PRDM10: variants seen among roughly 807,000 people sequenced by gnomAD.
The protein encoded by PRDM10 is PR domain zinc finger protein 10.
PRDM10 carries 65 observed loss-of-function variants against 133.1 expected under a neutral mutation model. The ratio of observed to expected loss-of-function variants is 0.49; its 90% CI spans 0.40 to 0.60. PRDM10 has a LOEUF of 0.60. Ranked by LOEUF, PRDM10 falls within the 20% of genes least tolerant of loss-of-function variation. PRDM10 has a pLI of 0.00. For synonymous variants in PRDM10, 582 were observed against 580.4 expected (o/e 1.00, Z -0.04); for missense variants, 1,137 against 1,507.1 (o/e 0.75, Z 4.07).
intron 5 of PRDM10, among the ~76,000 whole-genome samples, chr11:129,946,083 A>C (rs527330549): frequency 8.2e-4 from 100 of 122,654 alleles, no homozygotes; most frequent in African/African-American, 3.4e-3. Context: ...CTAAAAATAC[A>C]AAAAAAAAAA....
chr11:129,953,012 C>T (rs191261528), intron 4 of PRDM10, among the ~76,000 whole-genome samples: 2 of 151,566 alleles, frequency 1.3e-5, no homozygotes, highest in African/African-American at 2.4e-5. Flanking sequence ...TCACTCTTAT[C>T]GCCCAAGCTG....
At chr11:129,963,382 G>GAGAAGAGAAGAGAAGAGA (rs775553291) in intron 1 of PRDM10, among the ~76,000 whole-genome samples, 3 of 74,586 alleles carry the variant, frequency 4.0e-5, no homozygotes, top group African/African-American at 1.2e-4. Flanking sequence ...AAAGAAAAAA[G>GAGAAGAGAAGAGAAGAGA]AGAGAAGAGA....
At chr11:129,910,895 G>A (rs999795689) in intron 18 of PRDM10, among the ~76,000 whole-genome samples, 2 of 152,088 alleles carry the variant, frequency 1.3e-5, no homozygotes, top group Admixed American at 6.5e-5. Flanking sequence ...TCCTGCCTCA[G>A]CCTCGCGAGT....
intron 8 of PRDM10, among the ~76,000 whole-genome samples, chr11:129,935,469 TCACAGTCCTCAAAACA>T (rs1360535087): frequency 1.3e-5 from 2 of 152,150 alleles, no homozygotes; most frequent in Non-Finnish European, 2.9e-5. Context: ...CATCACCCTC[TCACAGTCCTCAAAACA>T]CACACACAAC....
chr11:129,905,490 A>T (rs1949986297), intron 20 of PRDM10, 148 bp downstream of exon 20: 1 of 673,206 alleles, frequency 1.5e-6, no homozygotes, highest in African/African-American at 1.8e-5. Flanking sequence ...GGATAAAGTG[A>T]TAATGCCCAA....
rs1951359985 is a variant in PRDM10, at chr11:129,945,002, C to T, written c.531G>A (p.Glu177=). Residue 177 remains glutamate, a synonymous_variant, in exon 6 of 21, where the codon GAG becomes GAA. Coordinates refer to ENST00000360871, the MANE Select transcript of PRDM10 (RefSeq NM_199437.2). The surrounding 1 kb of genome is among the most constrained non-coding windows in gnomAD (Gnocchi z 4.2). ...PFDPHDLWCE[E]CNNAHASVCP... is the part of the protein sequence containing the mutation. ...ACACTGAAGCATGCGCGTTATTGCA[C>T]TCCTCACACCCTGCAAAAGAGAGAC... is the stretch of plus-strand genomic sequence containing the variant. 5 of 1,611,644 alleles carry T rather than the reference C, an allele frequency of 3.1e-6. No homozygotes were observed. The East Asian group carries it at 8.9e-5, about 29-fold the overall frequency.
At chr11:129,991,749 G>A (rs1222669728) in intron 1 of PRDM10, among the ~76,000 whole-genome samples, 4 of 151,640 alleles carry the variant, frequency 2.6e-5, no homozygotes, top group African/African-American at 9.7e-5. Flanking sequence ...AACCTGGGAG[G>A]AGGAGGTTGC....
At chr11:129,962,104 G>A (rs1951808570) in intron 1 of PRDM10, among the ~76,000 whole-genome samples, 1 of 152,214 alleles carries the variant, frequency 6.6e-6, no homozygotes, top group Admixed American at 6.5e-5. Flanking sequence ...CACATGGTCA[G>A]TGTTGGAGTG....
At chr11:129,983,110 G>A (rs951088328) in intron 1 of PRDM10, among the ~76,000 whole-genome samples, 2 of 151,716 alleles carry the variant, frequency 1.3e-5, no homozygotes, top group Non-Finnish European at 1.5e-5. Flanking sequence ...CCGAATAGCT[G>A]GGATTACAGG....
intron 1 of PRDM10, among the ~76,000 whole-genome samples, chr11:129,984,527 C>A (rs1278105032): frequency 6.6e-6 from 1 of 152,088 alleles, no homozygotes; most frequent in Admixed American, 6.5e-5. Flanking sequence ...CCTCGGCCCA[C>A]CCTACTCGGG....
intron 8 of PRDM10, 93 bp downstream of exon 8, chr11:129,937,505 C>G: frequency 8.5e-7 from 1 of 1,170,210 alleles, no homozygotes; most frequent in Non-Finnish European, 1.2e-6. Context: ...CTGAAATATA[C>G]TGAGACAAAA....
intron 2 of PRDM10, among the ~76,000 whole-genome samples, chr11:129,960,364 A>G (rs142100244): frequency 0.016 from 2,393 of 152,278 alleles, 33 homozygotes; most frequent in Non-Finnish European, 0.024. Flanking sequence ...CCAAAATAAC[A>G]TGTGGTTGGT....
intron 4 of PRDM10, among the ~76,000 whole-genome samples, chr11:129,953,102 TACTC>T (rs1951619903): frequency 6.6e-6 from 1 of 151,576 alleles, no homozygotes; most frequent in Non-Finnish European, 1.5e-5. Context: ...GCCTCCTGAG[TACTC>T]AGCTAGGATT....
In PRDM10 at chr11:129,918,220, A is replaced by T. The variant is rs1315943722; in HGVS notation, c.2214+319T>A. Among the ~76,000 whole-genome samples the T allele has an allele frequency of 3.3e-5, 5 of 152,040 alleles. No homozygotes were observed. Among genetic ancestry groups the T allele is most frequent in the African/African-American group, 1.2e-4 (5 of 41,400 alleles). On this transcript the variant is annotated intron_variant, in intron 14 of 20. Coordinates refer to ENST00000360871, the MANE Select transcript of PRDM10 (RefSeq NM_199437.2). This position sits in a 1 kb window ranked among gnomAD's most constrained non-coding sequence, Gnocchi z 5.3. Reference sequence around the variant, plus strand: ...TACATTCAGGGACACAAAAGAGGGAACTAAAATAAGGTGAGAGCAGAGATT... The same window carrying T: ...TACATTCAGGGACACAAAAGAGGGATCTAAAATAAGGTGAGAGCAGAGATT...
At chr11:129,970,834 C>A (rs76618782) in intron 1 of PRDM10, among the ~76,000 whole-genome samples, 2 of 152,132 alleles carry the variant, frequency 1.3e-5, no homozygotes, top group Non-Finnish European at 2.9e-5. Flanking sequence ...GCATGAATCA[C>A]GGCACCCGAC....
At chr11:129,924,385 T>A (rs755121662) in intron 12 of PRDM10, among the ~76,000 whole-genome samples, 3 of 152,200 alleles carry the variant, frequency 2.0e-5, no homozygotes, top group Non-Finnish European at 4.4e-5. Context: ...CTTCACCCAT[T>A]TTGCTCCAAC....
intron 3 of PRDM10, among the ~76,000 whole-genome samples, chr11:129,956,730 A>G (rs1002626540): frequency 3.9e-5 from 6 of 152,212 alleles, no homozygotes; most frequent in Admixed American, 2.6e-4. Flanking sequence ...CAGTGATTTC[A>G]TACTTATGTA....
chr11:129,948,234 C>T, intron 4 of PRDM10: 1 of 380,046 alleles, frequency 2.6e-6, no homozygotes, highest in Admixed American at 3.2e-5. Flanking sequence ...TGGGATTATA[C>T]ACTGGCCTAG....
At chr11:129,976,366 G>A (rs1591683597) in intron 1 of PRDM10, among the ~76,000 whole-genome samples, 1 of 152,180 alleles carries the variant, frequency 6.6e-6, no homozygotes. Context: ...CCAAGGGGAA[G>A]AGAGTAGGTA....
Sources: gnomAD v4.1 joint callset for allele counts (sites outside exome capture counted in the v4.1 genomes callset) on GRCh38, gnomAD v4.1.1 for gene constraint, Gnocchi (gnomAD v3.1) non-coding constraint, MANE v1.5 for transcripts, NCBI Gene and HGNC (gene_info 2026-07-23, HGNC 2026-07-21) for gene names.